Variants in MALT1 observed in about 807,000 individuals in gnomAD.
MALT1 encodes the protein MALT1 paracaspase.
In MALT1, 36 loss-of-function variants were observed where a neutral mutation model predicts 85.5. The ratio of observed to expected loss-of-function variants is 0.42; its 90% CI spans 0.32 to 0.56. The LOEUF (loss-of-function observed/expected upper bound fraction) is 0.56. Ranked by LOEUF, MALT1 falls within the 20% of genes least tolerant of loss-of-function variation. The pLI is 0.10. For missense variants in MALT1, 716 were observed against 981.6 expected (o/e 0.73, Z 3.62); for synonymous variants, 359 against 361.3 (o/e 0.99, Z 0.07).
intron 2 of MALT1, among the ~76,000 whole-genome samples, chr18:58,693,255 TGC>T (rs2054539172): frequency 1.3e-5 from 2 of 151,960 alleles, no homozygotes; most frequent in Non-Finnish European, 2.9e-5. Context: ...ACCCCGTCTT[TGC>T]AAAAAATACA....
At chr18:58,701,415 C>A (rs2054670975) in intron 4 of MALT1, among the ~76,000 whole-genome samples, 1 of 152,202 alleles carries the variant, frequency 6.6e-6, no homozygotes, top group African/African-American at 2.4e-5. Flanking sequence ...AGCCTCAGCT[C>A]CCTCTGCTGC....
intron 16 of MALT1, 38 bp downstream of exon 16, chr18:58,745,829 C>T (rs772403241): frequency 5.1e-6 from 8 of 1,582,394 alleles, no homozygotes; most frequent in Non-Finnish European, 6.9e-6. Context: ...TAATGGAAAA[C>T]TTTATGAAAC....
chr18:58,680,133 G>A (rs2054299133), intron 1 of MALT1, among the ~76,000 whole-genome samples: 1 of 152,192 alleles, frequency 6.6e-6, no homozygotes, highest in Non-Finnish European at 1.5e-5. Context: ...CCCTCTGTGA[G>A]GCAACTATGG....
At chr18:58,678,686 T>G (rs893315920) in intron 1 of MALT1, among the ~76,000 whole-genome samples, 5 of 152,230 alleles carry the variant, frequency 3.3e-5, no homozygotes, top group Admixed American at 1.3e-4. Context: ...GATCTAAGAC[T>G]GGTTTTTGTA....
Position 58,748,243 on chromosome 18 carries a change from C to G in MALT1, c.*401C>G. The G allele has an allele frequency of 4.1e-6, 1 of 245,216 alleles. No homozygotes were observed. Among genetic ancestry groups the G allele is most frequent in the Non-Finnish European group, 8.0e-6 (1 of 125,432 alleles). The allele number at this position is 245,216 out of a possible 1,614,324, so 15.2% of individuals were successfully genotyped here. ...CCTAATTTTATCCATGGAAGAAACACAGAAAGGCATCTAAGTTAGAGCTGG... is the reference window on the plus strand; with the variant it reads ...CCTAATTTTATCCATGGAAGAAACAGAGAAAGGCATCTAAGTTAGAGCTGG... On this transcript the variant is annotated 3_prime_UTR_variant, in exon 17 of 17. Coordinates refer to ENST00000649217, the MANE Select transcript of MALT1 (RefSeq NM_006785.4).
chr18:58,744,329 CT>C lies in MALT1; in HGVS notation c.1754-4del. ...ACCTACCAAAGTTGTTCTTATTGTTCTTTTTCAGAACTTCCAGAAAGTATGT... is the reference window on the plus strand; with the variant it reads ...ACCTACCAAAGTTGTTCTTATTGTTCTTTTCAGAACTTCCAGAAAGTATGT... On this transcript the variant is annotated splice_polypyrimidine_tract_variant and splice_region_variant and intron_variant, in intron 14 of 16. Transcript: ENST00000649217. 6.3e-7 allele frequency: 1 copy of C among 1,580,764 alleles called. No homozygotes were observed. The highest frequency in any genetic ancestry group is 8.6e-7 in the Non-Finnish European group (1 of 1,163,252).
At chr18:58,710,563 C>G (rs1007066558) in intron 6 of MALT1, among the ~76,000 whole-genome samples, 1 of 152,010 alleles carries the variant, frequency 6.6e-6, no homozygotes, top group Non-Finnish European at 1.5e-5. Flanking sequence ...GTGGCATGCA[C>G]TTGGTCCCAG....
intron 4 of MALT1, among the ~76,000 whole-genome samples, chr18:58,705,946 G>A (rs1398307219): frequency 2.0e-5 from 3 of 152,060 alleles, no homozygotes; most frequent in Admixed American, 6.6e-5. Flanking sequence ...CACCAACAGT[G>A]TAAAAGTGTT....
intron 13 of MALT1, among the ~76,000 whole-genome samples, chr18:58,739,829 ACG>A (rs71173077): frequency 1.2e-3 from 180 of 150,416 alleles, no homozygotes; most frequent in African/African-American, 4.3e-3. Context: ...ACACACACAC[ACG>A]TGTACGTGTA....
chr18:58,677,033 G>GT (rs1401565551), intron 1 of MALT1, among the ~76,000 whole-genome samples: 1 of 152,058 alleles, frequency 6.6e-6, no homozygotes, highest in Non-Finnish European at 1.5e-5. Flanking sequence ...TCATAAAGCA[G>GT]TTTTTAAATT....
At chr18:58,679,246 G>A (rs1368732612) in intron 1 of MALT1, among the ~76,000 whole-genome samples, 1 of 152,226 alleles carries the variant, frequency 6.6e-6, no homozygotes, top group African/African-American at 2.4e-5. Context: ...GTATATGTAT[G>A]TTAAATACTG....
In MALT1 at chr18:58,691,683, G is replaced by A. The variant is rs183229966; in HGVS notation, c.377-4683G>A. On this transcript the variant is annotated intron_variant, in intron 2 of 16. Transcript: ENST00000649217. ...GGAGATCGAGACCATCCTGGCTAAC[G>A]TGGTGAAACCCCGTCTTTACTAAAA... is the stretch of plus-strand genomic sequence containing the variant. 4.1e-4 allele frequency: 64 copies of A among 155,460 alleles called. 1 individual carries two copies. In the East Asian group the frequency reaches 7.4e-3, roughly 18 times the overall value. The allele number at this position is 155,460 out of a possible 1,614,324, so 9.6% of individuals were successfully genotyped here.
At chr18:58,734,107 A>G (rs898521262) in intron 11 of MALT1, 200 bp from the exon 12 acceptor site, 84 of 1,335,042 alleles carry the variant, frequency 6.3e-5, no homozygotes, top group Non-Finnish European at 7.7e-5. Flanking sequence ...GTTCAAATGC[A>G]ACTCTAGTTT....
chr18:58,744,247 C>A, intron 14 of MALT1, 91 bp from the exon 15 acceptor site: 2 of 791,228 alleles, frequency 2.5e-6, no homozygotes, highest in Non-Finnish European at 3.9e-6. Context: ...TGTTTTTAAG[C>A]AAAAGAAATG....
At chr18:58,723,774 A>G (rs1025351007) in intron 10 of MALT1, among the ~76,000 whole-genome samples, 17 of 152,242 alleles carry the variant, frequency 1.1e-4, no homozygotes, top group Admixed American at 1.1e-3. Flanking sequence ...AGTTCTATAC[A>G]GATATGCTTA....
chr18:58,742,283 T>C (rs906569618), intron 14 of MALT1, among the ~76,000 whole-genome samples: 1 of 152,192 alleles, frequency 6.6e-6, no homozygotes, highest in Non-Finnish European at 1.5e-5. Flanking sequence ...ATAGGTTAAG[T>C]TTCCATTTGT....
intron 2 of MALT1, among the ~76,000 whole-genome samples, chr18:58,692,392 C>T (rs2054518781): frequency 6.6e-6 from 1 of 151,624 alleles, no homozygotes; most frequent in African/African-American, 2.4e-5. Flanking sequence ...CCAACTGCTC[C>T]ACCGACTGGC....
At chr18:58,692,911 A>C (rs1028786614) in intron 2 of MALT1, among the ~76,000 whole-genome samples, 1 of 152,222 alleles carries the variant, frequency 6.6e-6, no homozygotes, top group Non-Finnish European at 1.5e-5. Context: ...GGATAGATCA[A>C]ACCAGCCACA....
At chr18:58,705,197 TTA>T (rs2054729019) in intron 4 of MALT1, among the ~76,000 whole-genome samples, 1 of 152,108 alleles carries the variant, frequency 6.6e-6, no homozygotes, top group African/African-American at 2.4e-5. Flanking sequence ...TATAAGAACC[TTA>T]TATAGTATAC....
Sources: allele counts gnomAD v4.1 joint callset (sites outside exome capture counted in the v4.1 genomes callset), GRCh38; gene constraint gnomAD v4.1.1; transcripts MANE v1.5; gene names NCBI Gene and HGNC (gene_info 2026-07-23, HGNC 2026-07-21).